COQ2: variants seen among roughly 807,000 people sequenced by gnomAD.
COQ2 encodes coenzyme Q2, polyprenyltransferase.
In COQ2, 25 loss-of-function variants were observed where a neutral mutation model predicts 35.7. That is an observed-to-expected ratio of 0.70 (90% CI 0.51 to 0.98). The LOEUF (loss-of-function observed/expected upper bound fraction) is 0.98, where lower values mean the gene tolerates loss of function less well. Ranked by LOEUF, COQ2 falls within the 50% of genes least tolerant of loss-of-function variation. COQ2 has a pLI of 0.00. For missense variants in COQ2, 488 were observed against 473.5 expected (o/e 1.03, Z -0.28); for synonymous variants, 206 against 186.2 (o/e 1.11, Z -0.86).
intron 3 of COQ2, among the ~76,000 whole-genome samples, chr4:83,272,375 TCAAA>T (rs1393271465): frequency 1.3e-5 from 2 of 152,190 alleles, no homozygotes; most frequent in Admixed American, 6.5e-5. Context: ...TATAAAACAA[TCAAA>T]CAAAATAATA....
chr4:83,280,591 G>A (rs1455657963), intron 1 of COQ2, among the ~76,000 whole-genome samples: 1 of 152,192 alleles, frequency 6.6e-6, no homozygotes, highest in Non-Finnish European at 1.5e-5. Context: ...AGTTAAATAA[G>A]CAATAACAAT....
At chr4:83,283,570 T>A (rs1484183632) in intron 1 of COQ2, 1 of 985,370 alleles carries the variant, frequency 1.0e-6, no homozygotes, top group East Asian at 1.1e-4. Flanking sequence ...CAGTAATTTC[T>A]CTTTTTCCTG....
intron 4 of COQ2, among the ~76,000 whole-genome samples, chr4:83,270,245 C>T (rs1451800637): frequency 1.3e-5 from 2 of 151,862 alleles, no homozygotes; most frequent in Non-Finnish European, 2.9e-5. Flanking sequence ...GAATAATATC[C>T]CCTAATTAAG....
At chr4:83,276,058 T>C (rs545330373) in intron 2 of COQ2, among the ~76,000 whole-genome samples, 3,275 of 19,782 alleles carry the variant, frequency 0.17, 159 homozygotes, top group African/African-American at 0.22. Flanking sequence ...ATATTATATA[T>C]AATATATATT....
intron 2 of COQ2, among the ~76,000 whole-genome samples, chr4:83,274,342 C>T (rs1240449195): frequency 6.6e-6 from 1 of 152,014 alleles, no homozygotes; most frequent in Non-Finnish European, 1.5e-5. Flanking sequence ...TACAGGCATC[C>T]ACCACCACCC....
In COQ2 at chr4:83,267,642, G is replaced by C; in HGVS notation, c.895C>G (p.Gln299Glu). ...ALSLVGVNSG[Q>E]TAPYYAALGA... ...AGGGCAGCGTAGTAGGGAGCAGTCT[G>C]TCCACTGTTCACACCCACTAGGCTC... is the stretch of plus-strand genomic sequence containing the variant. The change falls in exon 6 of 7, where the codon CAG becomes GAG. Residue 299 changes from glutamine to glutamate, a missense_variant. Gln to Glu is a conservative substitution (Grantham distance 29). Coordinates refer to ENST00000647002, the MANE Select transcript of COQ2 (RefSeq NM_001358921.2). 6.3e-7 allele frequency: 1 copy of C among 1,582,486 alleles called. No homozygotes were observed. The highest frequency in any genetic ancestry group is 1.3e-5 in the African/African-American group (1 of 74,156).
Position 83,279,110 on chromosome 4 carries a change from G to A in COQ2, c.258C>T (p.Thr86=), listed in dbSNP as rs1162131217. 2 of 1,551,558 alleles carry A rather than the reference G, an allele frequency of 1.3e-6. No individual in the cohort carries two copies. Among genetic ancestry groups the A allele is most frequent in the South Asian group, 1.3e-5 (1 of 79,812 alleles). The change falls in exon 2 of 7, where the codon ACC becomes ACT. Residue 86 remains threonine (T), a synonymous_variant. Transcript: ENST00000647002. Reference sequence around the variant, plus strand: ...AGGTACATGGTAAATACAGAAGCCAGGTTCCTAAGCAAAAATAAAAAGACA... The same window carrying A: ...AGGTACATGGTAAATACAGAAGCCAAGTTCCTAAGCAAAAATAAAAAGACA... ...RLMRLDKPIG[T]WLLYLPCTWS...
intron 3 of COQ2, 89 bp from the exon 4 acceptor site, chr4:83,272,261 A>T (rs541711589): frequency 4.1e-4 from 254 of 622,472 alleles, no homozygotes; most frequent in African/African-American, 2.3e-3. Flanking sequence ...AAGTAATACT[A>T]ATTGGAAAAT....
chr4:83,279,061 G>C lies in COQ2; in HGVS notation c.307C>G (p.Pro103Ala). 2 of 1,597,032 alleles carry C rather than the reference G, an allele frequency of 1.3e-6. No homozygotes were observed. Among genetic ancestry groups the C allele is most frequent in the Non-Finnish European group, 1.7e-6 (2 of 1,171,596 alleles). ...ATGTACCAATCTGGAAAACAACCTG[G>C]TTCAGCTGCCAAACCAATGCTCCAG... ...CTWSIGLAAE[P>A]GCFPDWYMLS... The change falls in exon 2 of 7, where the codon CCA (proline) becomes GCA (alanine). Residue 103 changes from proline (P) to alanine (A), a missense_variant. By Grantham distance (27) the Pro-to-Ala change is conservative. Transcript: ENST00000647002.
chr4:83,264,806 T>TAAAGTC (rs1314113090), intron 6 of COQ2, among the ~76,000 whole-genome samples: 1 of 152,216 alleles, frequency 6.6e-6, no homozygotes, highest in East Asian at 1.9e-4. Flanking sequence ...CTGACTGATC[T>TAAAGTC]AAAGTCTGTC....
rs1042545560 is a variant in COQ2 at position 83,284,104 on chromosome 4, T to C, written c.253+408A>G. 9.1e-6 allele frequency: 9 copies of C among 985,272 alleles called. No individual in the cohort carries two copies. The East Asian group carries it at 6.8e-4, about 74-fold the overall frequency. The allele number at this position is 985,272 out of a possible 1,614,324, so 61.0% of individuals were successfully genotyped here. ...GGGCCTTACAAGATTGCGGGGAGGA[T>C]CAAACATTCTAATAAATGAAGGAGG... On this transcript the variant is annotated intron_variant, in intron 1 of 6. Transcript: ENST00000647002.
In COQ2 at chr4:83,269,871, A is replaced by C; in HGVS notation, c.751T>G (p.Tyr251Asp). ...GATAATTTCTTTACCTGATGGGCAT[A>C]AATAGTATCATATATTAGTGTCCAC... ...VMWTLIYDTIYAHQDKRDDVL... is the reference protein window; with the variant it reads ...VMWTLIYDTIDAHQDKRDDVL... Residue 251 changes from tyrosine to aspartate, a missense_variant, in exon 5 of 7, where the codon TAT (tyrosine) becomes GAT (aspartate). Physicochemically the swap from Tyr to Asp is radical, Grantham distance 160. Transcript: ENST00000647002. 1 of 1,593,460 alleles carries C rather than the reference A, an allele frequency of 6.3e-7. No homozygotes were observed. The highest frequency in any genetic ancestry group is 1.1e-5 in the South Asian group (1 of 87,042).
chr4:83,279,616 A>C (rs1735267232), intron 1 of COQ2, among the ~76,000 whole-genome samples: 1 of 151,994 alleles, frequency 6.6e-6, no homozygotes, highest in African/African-American at 2.4e-5. Flanking sequence ...CCTACATATA[A>C]AACATTCATG....
chr4:83,279,214 A>C, intron 1 of COQ2, 100 bp from the exon 2 acceptor site: 1 of 1,348,358 alleles, frequency 7.4e-7, no homozygotes, highest in South Asian at 1.8e-5. Flanking sequence ...GAACACTATA[A>C]GTCAAAAAAA....
At chr4:83,272,618 G>A (rs1560493601) in intron 3 of COQ2, among the ~76,000 whole-genome samples, 7 of 152,148 alleles carry the variant, frequency 4.6e-5, no homozygotes, top group Admixed American at 3.9e-4. Flanking sequence ...AGGCAGTCTG[G>A]CTCCAGAGTC....
At chr4:83,270,104 T>A (rs2126172478) in intron 4 of COQ2, 111 bp from the exon 5 acceptor site, 1 of 1,154,194 alleles carries the variant, frequency 8.7e-7, no homozygotes, top group East Asian at 2.7e-5. Flanking sequence ...AGACTCTGTG[T>A]GTGCTGCTTT....
At chr4:83,264,622 AGAGT>A (rs762487688) in intron 6 of COQ2, among the ~76,000 whole-genome samples, 3 of 152,118 alleles carry the variant, frequency 2.0e-5, no homozygotes, top group Non-Finnish European at 4.4e-5. Flanking sequence ...CCTGGGTGAG[AGAGT>A]GAGACTCTAT....
chr4:83,285,077 A>G (rs1735441066), upstream of COQ2, among the ~76,000 whole-genome samples: 1 of 152,212 alleles, frequency 6.6e-6, no homozygotes, highest in South Asian at 2.1e-4. Flanking sequence ...TCTCTGAGGA[A>G]ACAAACAAAA....
At chr4:83,274,870 C>A (rs182253380) in intron 2 of COQ2, among the ~76,000 whole-genome samples, 3 of 152,100 alleles carry the variant, frequency 2.0e-5, no homozygotes, top group Admixed American at 6.6e-5. Context: ...TTTCTGTTTT[C>A]CAGATGGTGT....
Sources: allele counts gnomAD v4.1 joint callset (sites outside exome capture counted in the v4.1 genomes callset), GRCh38; gene constraint gnomAD v4.1.1; transcripts MANE v1.5; gene names NCBI Gene and HGNC (gene_info 2026-07-23, HGNC 2026-07-21).